Variants in MYOF observed in about 807,000 individuals in gnomAD.
MYOF encodes fer-1-like 3, myoferlin.
MYOF carries 244 observed loss-of-function variants against 284.2 expected under a neutral mutation model. The observed-to-expected ratio is 0.86, with a 90% confidence interval of 0.77 to 0.95. The LOEUF is 0.95. MYOF is among the 40% of genes least tolerant of loss of function. The pLI is 0.00. For synonymous variants in MYOF, 904 were observed against 919.7 expected (o/e 0.98, Z 0.31); for missense variants, 2,496 against 2,560.6 (o/e 0.97, Z 0.54).
intron 6 of MYOF, 111 bp from the exon 7 acceptor site, chr10:93,409,026 C>A: frequency 6.6e-7 from 1 of 1,516,308 alleles, no homozygotes. Flanking sequence ...AACACCAGGC[C>A]AGGGCAGCTT....
intron 52 of MYOF, 40 bp from the exon 53 acceptor site, chr10:93,310,207 A>G (rs755621895): frequency 6.2e-5 from 100 of 1,602,310 alleles, no homozygotes; most frequent in Non-Finnish European, 8.3e-5. Flanking sequence ...CCAACTCAGG[A>G]GGGATGCATA....
At chr10:93,329,583 A>G (rs1465346134) in intron 44 of MYOF, 81 bp downstream of exon 44, 5 of 1,448,258 alleles carry the variant, frequency 3.5e-6, no homozygotes, top group East Asian at 2.3e-5. Flanking sequence ...GAAGGAAGGC[A>G]CTAAGGTAGA....
At chr10:93,474,463 T>C (rs2057216562) in intron 1 of MYOF, among the ~76,000 whole-genome samples, 1 of 152,240 alleles carries the variant, frequency 6.6e-6, no homozygotes, top group East Asian at 1.9e-4. Flanking sequence ...GCTTTTTCAC[T>C]CTTTCATCTA....
chr10:93,438,227 A>T (rs1014017357), intron 3 of MYOF, among the ~76,000 whole-genome samples: 2 of 151,954 alleles, frequency 1.3e-5, no homozygotes, highest in African/African-American at 4.8e-5. Context: ...ATCAATTCCT[A>T]CTTGCCCATG....
At chr10:93,439,121 A>G (rs1460728270) in intron 3 of MYOF, among the ~76,000 whole-genome samples, 1 of 152,132 alleles carries the variant, frequency 6.6e-6, no homozygotes, top group Non-Finnish European at 1.5e-5. Context: ...GCCAGCATCT[A>G]CTGTGCTCTT....
At chr10:93,473,427 A>C (rs2057194241) in intron 1 of MYOF, among the ~76,000 whole-genome samples, 1 of 152,248 alleles carries the variant, frequency 6.6e-6, no homozygotes, top group Non-Finnish European at 1.5e-5. Context: ...CTGCCACTGC[A>C]GTTGGATGTA....
intron 5 of MYOF, among the ~76,000 whole-genome samples, chr10:93,421,221 A>AG (rs1327767358): frequency 6.6e-6 from 1 of 152,340 alleles, no homozygotes; most frequent in Non-Finnish European, 1.5e-5. Flanking sequence ...CACTTCAAAA[A>AG]AAAGAAAGAA....
rs34398757 is a variant in MYOF at position 93,404,641 on chromosome 10, C to CAA, written c.730-424_730-423dup. Among the ~76,000 whole-genome samples, 484 of 60,348 alleles carry CAA rather than the reference C, an allele frequency of 8.0e-3. 7 individuals are homozygous for CAA. Among genetic ancestry groups the CAA allele is most frequent in the African/African-American group, 0.019 (393 of 20,846 alleles). 39.6% of individuals were successfully genotyped at this position (60,348 alleles called of 152,430 possible). On this transcript the variant is annotated intron_variant, in intron 7 of 53. Coordinates refer to ENST00000359263, the MANE Select transcript of MYOF (RefSeq NM_013451.4). ...AGGACAATATAGTGAGAGGCCATCT[C>CAA]AAAAAAAAAAAAAAAAAAAAAGGGA...
intron 51 of MYOF, among the ~76,000 whole-genome samples, chr10:93,312,693 A>G (rs1842442742): frequency 6.6e-6 from 1 of 151,736 alleles, no homozygotes; most frequent in African/African-American, 2.4e-5. Context: ...TCCCTTTTCC[A>G]TACGAAATTG....
intron 27 of MYOF, 134 bp downstream of exon 27, chr10:93,363,827 T>C: frequency 1.5e-6 from 1 of 645,798 alleles, no homozygotes; most frequent in South Asian, 2.1e-5. Context: ...GCTTAAGCTA[T>C]AAGTGGAAGA....
At chr10:93,376,405 A>G (rs1011087498) in intron 22 of MYOF, among the ~76,000 whole-genome samples, 4 of 152,178 alleles carry the variant, frequency 2.6e-5, no homozygotes, top group Admixed American at 6.5e-5. Flanking sequence ...TGGGCATCAG[A>G]TATGTCATTT....
intron 17 of MYOF, among the ~76,000 whole-genome samples, chr10:93,392,035 A>G (rs1196968617): frequency 6.6e-6 from 1 of 151,646 alleles, no homozygotes; most frequent in Non-Finnish European, 1.5e-5. Context: ...ATATTCATTG[A>G]TTGGTTAAAC....
Position 93,353,716 on chromosome 10 carries a change from G to A in MYOF, c.3481+95C>T, listed in dbSNP as rs1046745613. ...TAACCTCAACATGTAAAGGGTTTTT[G>A]TTGTTAGAAATGACAAAAAGCATTC... On this transcript the variant is annotated intron_variant, in intron 32 of 53. Transcript: ENST00000359263. The A allele has an allele frequency of 2.9e-6, 3 of 1,034,444 alleles. No homozygotes were observed. In the African/African-American group the frequency reaches 4.9e-5, roughly 17 times the overall value. 64.1% of individuals were successfully genotyped at this position (1,034,444 alleles called of 1,614,324 possible).
Position 93,381,248 on chromosome 10 carries a change from G to A in MYOF, c.1847C>T (p.Thr616Ile). The change falls in exon 20 of 54, where the codon ACA becomes ATA. Residue 616 changes from threonine (T) to isoleucine (I), a missense_variant. Physicochemically the swap from Thr to Ile is moderately conservative, Grantham distance 89. Coordinates refer to ENST00000359263, the MANE Select transcript of MYOF (RefSeq NM_013451.4). ...FDTTCKPLAS[T>I]TQYSRAVFDG... is the part of the protein sequence containing the mutation. ...AAATACAGCACGGCTGTACTGAGTT[G>A]TTGATGCCAAAGGCTTACAGGTGGT... The A allele has an allele frequency of 6.2e-7, 1 of 1,614,230 alleles. No individual in the cohort carries two copies. The highest frequency in any genetic ancestry group is 8.5e-7 in the Non-Finnish European group (1 of 1,180,036).
At position 93,355,849 on chromosome 10, in the gene MYOF, G is replaced by A. The variant is rs1339955033; in HGVS notation, c.3295-113C>T. 9.3e-6 allele frequency: 7 copies of A among 753,046 alleles called. No homozygotes were observed. In the East Asian group the frequency reaches 1.8e-4, roughly 19 times the overall value. 46.6% of individuals were successfully genotyped at this position (753,046 alleles called of 1,614,324 possible). A position where few individuals can be genotyped will look rare whatever the true frequency, so the allele number is the denominator to read the frequency against. ...AATGGAATTCTAGCTTTTTAAAGAT[G>A]TTATCGTGCAAACACCCCATTTTTA... On this transcript the variant is annotated intron_variant, in intron 30 of 53. Coordinates refer to ENST00000359263, the MANE Select transcript of MYOF (RefSeq NM_013451.4).
At chr10:93,412,343 T>C (rs887000283) in intron 5 of MYOF, among the ~76,000 whole-genome samples, 2 of 152,318 alleles carry the variant, frequency 1.3e-5, no homozygotes, top group Middle Eastern at 6.8e-3. Context: ...CTCTGCAAGA[T>C]GATCTGGACC....
Position 93,380,649 on chromosome 10 carries a change from A to G in MYOF, c.1876+570T>C, listed in dbSNP as rs1846069447. Among the ~76,000 whole-genome samples, 3 of 152,234 alleles carry G rather than the reference A, an allele frequency of 2.0e-5. 1 individual carries two copies. The South Asian group carries it at 6.2e-4, about 32-fold the overall frequency. On this transcript the variant is annotated intron_variant, in intron 20 of 53. Coordinates refer to ENST00000359263, the MANE Select transcript of MYOF (RefSeq NM_013451.4). ...TGCTTTCTATTATGATTTATTTTAT[A>G]CACTAGAATGTAAGCTCCTTAAAAT...
chr10:93,310,323 C>T (rs2797581), intron 52 of MYOF, among the ~76,000 whole-genome samples, 156 bp from the exon 53 acceptor site: 128,920 of 152,222 alleles, frequency 0.85, 54,662 homozygotes, highest in East Asian at 0.9. Flanking sequence ...CTTTAACCTA[C>T]GACAGCTTCC....
chr10:93,307,920 C>T (rs991401851), intron 53 of MYOF, among the ~76,000 whole-genome samples: 1 of 151,024 alleles, frequency 6.6e-6, no homozygotes, highest in Non-Finnish European at 1.5e-5. Context: ...CCACTGTACC[C>T]GGCTGCCAAC....
Sources: allele counts gnomAD v4.1 joint callset (sites outside exome capture counted in the v4.1 genomes callset), GRCh38; gene constraint gnomAD v4.1.1; transcripts MANE v1.5; gene names NCBI Gene and HGNC (gene_info 2026-07-23, HGNC 2026-07-21).